Variants in FASN observed in about 807,000 individuals in gnomAD.
FASN encodes the protein fatty acid synthase, also known as 3-hydroxyacyl-[acyl-carrier-protein] dehydratase.
A neutral mutation model predicts 250.0 loss-of-function variants in FASN; 50 were observed. The ratio of observed to expected loss-of-function variants is 0.20; its 90% confidence interval spans 0.16 to 0.25. The LOEUF is 0.25. Among genes scored for constraint, FASN ranks in the 10% least tolerant of loss-of-function variants. The pLI, the probability that FASN is intolerant of heterozygous loss-of-function variation, is 1.00. For missense variants in FASN, 3,031 were observed against 3,498.5 expected (o/e 0.87, Z 3.37); for synonymous variants, 1,909 against 1,584.0 (o/e 1.21, Z -4.87).
chr17:82,092,269 G>C (rs145584748), intron 8 of FASN, among the ~76,000 whole-genome samples, 186 bp downstream of exon 8: 1 of 152,204 alleles, frequency 6.6e-6, no homozygotes, highest in African/African-American at 2.4e-5. Flanking sequence ...GCCTGGCTAC[G>C]AGCTCTCCCT....
Position 82,083,514 on chromosome 17 carries a change from C to T in FASN, c.5341+3G>A. 1 of 1,612,810 alleles carries T rather than the reference C, an allele frequency of 6.2e-7. No homozygotes were observed. Among genetic ancestry groups the T allele is most frequent in the Non-Finnish European group, 8.5e-7 (1 of 1,179,984 alleles). The stretch of plus-strand genomic sequence containing the variant: ...ACCCCCGCCCAGGCGCTGCCGGCCT[C>T]ACCGAGCGGGTGGTTCTGAGAAAGG... On this transcript the variant is annotated splice_donor_region_variant and intron_variant, in intron 31 of 42. Coordinates refer to ENST00000306749, the MANE Select transcript of FASN (RefSeq NM_004104.5).
Position 82,090,429 on chromosome 17 carries a change from T to G in FASN, c.1816A>C (p.Arg606=). Reference sequence around the variant, plus strand: ...TGGGCTTCTTTGATGCACTGTCCCCTCCAGTAGGCAGCGAGGACGGCCTCC... The same window carrying G: ...TGGGCTTCTTTGATGCACTGTCCCCGCCAGTAGGCAGCGAGGACGGCCTCC... ...QEEAVLAAYW[R]GQCIKEAHLP... The change falls in exon 11 of 43, where the codon AGG becomes CGG. Residue 606 remains arginine (R), a synonymous_variant. Transcript: ENST00000306749. 1 of 1,603,042 alleles carries G rather than the reference T, an allele frequency of 6.2e-7. No homozygotes were observed.
chr17:82,082,799 G>A (rs752122928), intron 33 of FASN, 115 bp downstream of exon 33: 62 of 1,545,766 alleles, frequency 4.0e-5, no homozygotes, highest in African/African-American at 3.0e-4. Flanking sequence ...ACAAGATGGA[G>A]GGGGACAGAC....
Position 82,088,863 on chromosome 17 carries a change from C to T in FASN, c.2318G>A (p.Arg773His), listed in dbSNP as rs758311283. Reference protein sequence around the residue: ...PHALLQAVLKRGLKPSCTIIP... With the variant: ...PHALLQAVLKHGLKPSCTIIP... ...GATGGTGCAGCTCGGCTTCAGGCCA[C>T]GCTTCAGGACAGCCTGGGGGCGGCA... is the stretch of plus-strand genomic sequence containing the variant. Residue 773 changes from arginine (R) to histidine (H), a missense_variant, in exon 15 of 43, where the codon CGT becomes CAT. Arg to His is a conservative substitution (Grantham distance 29). Transcript: ENST00000306749. 16 of 1,612,372 alleles carry T rather than the reference C, an allele frequency of 9.9e-6. No homozygotes were observed. Among genetic ancestry groups the T allele is most frequent in the South Asian group, 2.2e-5 (2 of 91,086 alleles).
chr17:82,085,123 C>T lies in FASN; in HGVS notation c.4321G>A (p.Val1441Met). 1 of 1,612,610 alleles carries T rather than the reference C, an allele frequency of 6.2e-7. No individual in the cohort carries two copies. The highest frequency in any genetic ancestry group is 8.5e-7 in the Non-Finnish European group (1 of 1,179,926). Residue 1441 changes from valine to methionine, a missense_variant, in exon 25 of 43, where the codon GTG becomes ATG. Physicochemically the swap from Val to Met is conservative, Grantham distance 21. Transcript: ENST00000306749. ...GCACAGTTGATGGCCTTCAGCCACACAGGCCGGGAAGAGTCTTCGTCAGCC... is the reference window on the plus strand; with the variant it reads ...GCACAGTTGATGGCCTTCAGCCACATAGGCCGGGAAGAGTCTTCGTCAGCC... The part of the protein sequence containing the change: ...ILADEDSSRP[V>M]WLKAINCATS...
chr17:82,087,434 G>A lies in FASN; in HGVS notation c.3114C>T (p.Ile1038=), dbSNP rs1466681593. ...SFMDTMLQMS[I]LGSAKHGLYL... is the part of the protein sequence containing the mutation. ...ACAGGCCGTGCTTGGCCGAGCCCAG[G>A]ATGGACATCTGCAGCATGGTGTCCA... The change falls in exon 20 of 43, where the codon ATC becomes ATT. Residue 1038 remains isoleucine (I), a synonymous_variant. Coordinates refer to ENST00000306749, the MANE Select transcript of FASN (RefSeq NM_004104.5). 5 of 1,612,602 alleles carry A rather than the reference G, an allele frequency of 3.1e-6. No individual in the cohort carries two copies. The African/African-American group carries it at 4.0e-5, about 13-fold the overall frequency.
Position 82,081,992 on chromosome 17 carries a change from G to A in FASN, c.6163+17C>T, listed in dbSNP as rs754309111. The A allele has an allele frequency of 1.2e-6, 2 of 1,602,506 alleles. No homozygotes were observed. Among genetic ancestry groups the A allele is most frequent in the African/African-American group, 2.7e-5 (2 of 74,572 alleles). ...AGGGCAGGGTGGGCAGGGTCGAGGG[G>A]AGAGGGTGGGGCCCACCTGGGAGGC... is the stretch of plus-strand genomic sequence containing the variant. On this transcript the variant is annotated intron_variant, in intron 36 of 42. Coordinates refer to ENST00000306749, the MANE Select transcript of FASN (RefSeq NM_004104.5).
intron 22 of FASN, 119 bp downstream of exon 22, chr17:82,086,135 T>C (rs775688921): frequency 2.1e-5 from 31 of 1,496,052 alleles, no homozygotes; most frequent in Non-Finnish European, 2.7e-5. Context: ...CACAGGGAAC[T>C]GGCCGGCCCC....
In FASN at chr17:82,087,967, G is replaced by A. The variant is rs370027688; in HGVS notation, c.2853C>T (p.Asn951=). 2 of 1,612,712 alleles carry A rather than the reference G, an allele frequency of 1.2e-6. No homozygotes were observed. The highest frequency in any genetic ancestry group is 1.7e-5 in the Admixed American group (1 of 60,022). ...SRAFEVSENG[N]LVVSGKVYQW... is the part of the protein sequence containing the mutation. ...GGCCCTGCTTACCACTCACTACCAGGTTGCCGTTCTCTGACACCTCGAAGG... is the reference window on the plus strand; with the variant it reads ...GGCCCTGCTTACCACTCACTACCAGATTGCCGTTCTCTGACACCTCGAAGG... The change falls in exon 18 of 43, where the codon AAC becomes AAT. Residue 951 remains asparagine (N), a synonymous_variant. Transcript: ENST00000306749.
chr17:82,080,294 C>G, intron 40 of FASN, 56 bp from the exon 41 acceptor site: 1 of 1,610,844 alleles, frequency 6.2e-7, no homozygotes, highest in Non-Finnish European at 8.5e-7. Flanking sequence ...TCCTAAGCGA[C>G]GGTCCCCCAA....
chr17:82,093,058 A>G (rs1036180847), intron 5 of FASN, 39 bp from the exon 6 acceptor site: 1 of 1,608,324 alleles, frequency 6.2e-7, no homozygotes, highest in Non-Finnish European at 8.5e-7. Context: ...GCTCAGCCCC[A>G]CGCCGGCCCC....
At chr17:82,095,522 G>T in intron 2 of FASN, 50 bp from the exon 3 acceptor site, 2 of 1,604,672 alleles carry the variant, frequency 1.2e-6, no homozygotes, top group Non-Finnish European at 1.7e-6. Flanking sequence ...GCCCAGAGGT[G>T]GGGGCCCTGT....
Position 82,078,407 on chromosome 17 carries a change from A to C in FASN, c.*736T>G, listed in dbSNP as rs1479926960. 1 of 152,308 alleles carries C rather than the reference A, an allele frequency of 6.6e-6. No individual in the cohort carries two copies. Among genetic ancestry groups the C allele is most frequent in the Non-Finnish European group, 1.5e-5 (1 of 68,090 alleles). The allele number at this position is 152,308 out of a possible 1,614,324, so 9.4% of individuals were successfully genotyped here. ...TTTTACCAAATTGGTGTAAAAATGA[A>C]ACGGGGTCCAGACGTGTACACTGAC... On this transcript the variant is annotated 3_prime_UTR_variant, in exon 43 of 43. Transcript: ENST00000306749. This position sits in a 1 kb window ranked among gnomAD's most constrained non-coding sequence, Gnocchi z 5.4.
Position 82,079,062 on chromosome 17 carries a change from C to G in FASN, c.*81G>C. ...ACAGGGTCCCACCGGCAGGACCCTTCAATCCCGTTGCATGGCGGGGGTGGG... is the reference window on the plus strand; with the variant it reads ...ACAGGGTCCCACCGGCAGGACCCTTGAATCCCGTTGCATGGCGGGGGTGGG... On this transcript the variant is annotated 3_prime_UTR_variant, in exon 43 of 43. Coordinates refer to ENST00000306749, the MANE Select transcript of FASN (RefSeq NM_004104.5). The G allele has an allele frequency of 6.9e-7, 1 of 1,439,510 alleles. No homozygotes were observed. Among genetic ancestry groups the G allele is most frequent in the Non-Finnish European group, 9.3e-7 (1 of 1,077,224 alleles). The allele number at this position is 1,439,510 out of a possible 1,614,324, so 89.2% of individuals were successfully genotyped here. A position where few individuals can be genotyped will look rare whatever the true frequency, so the allele number is the denominator to read the frequency against.
rs1288867144 is a variant in FASN at position 82,082,112 on chromosome 17, G to A, written c.6060C>T (p.Ser2020=). The change falls in exon 36 of 43, where the codon TCC becomes TCT. Residue 2020 remains serine (S), a synonymous_variant. Coordinates refer to ENST00000306749, the MANE Select transcript of FASN (RefSeq NM_004104.5). Reference sequence around the variant, plus strand: ...CATTGCCACGCCCGCAGCTCACAGAGGAGAAGACCACAAAGTAGTCCAGCT... The same window carrying A: ...CATTGCCACGCCCGCAGCTCACAGAAGAGAAGACCACAAAGTAGTCCAGCT... ...CPELDYFVVF[S]SVSCGRGNAG... is the part of the protein sequence containing the mutation. 6.8e-6 allele frequency: 11 copies of A among 1,608,022 alleles called. No individual in the cohort carries two copies. The highest frequency in any genetic ancestry group is 1.7e-5 in the Admixed American group (1 of 60,000).
chr17:82,089,443 G>A (rs2144799096), intron 12 of FASN, 59 bp from the exon 13 acceptor site: 1 of 1,612,140 alleles, frequency 6.2e-7, no homozygotes, highest in Non-Finnish European at 8.5e-7. Context: ...CAGGCTCGGA[G>A]AGGTAGGGCG....
rs373893378 is a variant in FASN at position 82,088,448 on chromosome 17, C to T, written c.2535G>A (p.Pro845=). The T allele has an allele frequency of 1.9e-5, 30 of 1,611,518 alleles. No individual in the cohort carries two copies. The highest frequency in any genetic ancestry group is 1.6e-4 in the Middle Eastern group (1 of 6,082). Residue 845 remains proline, a synonymous_variant, in exon 16 of 43, where the codon CCG becomes CCA. Transcript: ENST00000306749. ...AACCGTTGGGGAAGTCCTCGGCGGC[C>T]GGCACGTCCCAGGCCAGGCTGTGGT... ...KWDHSLAWDV[P]AAEDFPNGSG... is the part of the protein sequence containing the mutation.
chr17:82,087,058 A>C lies in FASN; in HGVS notation c.3419T>G (p.Leu1140Arg), dbSNP rs750458567. The change falls in exon 21 of 43, where the codon CTG becomes CGG. Residue 1140 changes from leucine (L) to arginine (R), a missense_variant. Leu to Arg is a moderately radical substitution (Grantham distance 102). Transcript: ENST00000306749. The stretch of plus-strand genomic sequence containing the variant: ...CAGGGCTGGGACCTCACCCTTGCAC[A>C]GTTGCAGCTCCTCCTGCAGGGCAGC... ...ERAALQEELQ[L>R]CKGLVQALQT... is the part of the protein sequence containing the mutation. 6.2e-7 allele frequency: 1 copy of C among 1,611,184 alleles called. No individual in the cohort carries two copies. The highest frequency in any genetic ancestry group is 8.5e-7 in the Non-Finnish European group (1 of 1,179,906).
intron 1 of FASN, 74 bp from the exon 2 acceptor site, chr17:82,096,526 A>C: frequency 6.3e-7 from 1 of 1,594,560 alleles, no homozygotes; most frequent in Non-Finnish European, 8.5e-7. Flanking sequence ...GGCACCCAGA[A>C]CAGGTGGACA....
Sources: gnomAD v4.1 joint callset for allele counts (sites outside exome capture counted in the v4.1 genomes callset) on GRCh38, gnomAD v4.1.1 for gene constraint, Gnocchi (gnomAD v3.1) non-coding constraint, MANE v1.5 for transcripts, NCBI Gene and HGNC (gene_info 2026-07-23, HGNC 2026-07-21) for gene names.